VAV2: variants seen among roughly 807,000 people sequenced by gnomAD.
The protein encoded by VAV2 is vav guanine nucleotide exchange factor 2.
In VAV2, 67 loss-of-function variants were observed where a neutral mutation model predicts 132.5. The observed-to-expected ratio is 0.51, with a 90% CI of 0.42 to 0.62. VAV2 has a LOEUF of 0.62. Among genes scored for constraint, VAV2 ranks in the 20% least tolerant of loss-of-function variants. The pLI is 0.00. For missense variants in VAV2, 938 were observed against 1,153.6 expected, an observed-to-expected ratio of 0.81 and a Z score of 2.71; for synonymous variants, 492 against 443.5, an observed-to-expected ratio of 1.11 and a Z score of -1.37.
chr9:133,940,067 C>CG (rs1211073050), intron 1 of VAV2, among the ~76,000 whole-genome samples: 3 of 152,158 alleles, frequency 2.0e-5, no homozygotes, highest in Admixed American at 6.5e-5. Flanking sequence ...TGAGGTGGCC[C>CG]GGGGGGCACG....
chr9:133,789,464 G>T (rs1202715207), intron 13 of VAV2, 121 bp from the exon 14 acceptor site: 27 of 894,518 alleles, frequency 3.0e-5, no homozygotes, highest in Non-Finnish European at 4.3e-5. Context: ...GAGGCGGGAC[G>T]AAGGGAAACA....
chr9:133,922,356 T>C (rs1005943677), intron 2 of VAV2, among the ~76,000 whole-genome samples: 1 of 152,154 alleles, frequency 6.6e-6, no homozygotes, highest in Non-Finnish European at 1.5e-5. Context: ...GGCCTGGTGA[T>C]GATGATGCCA....
chr9:133,802,504 A>C lies in VAV2; in HGVS notation c.836+3577T>G, dbSNP rs371809172. ...TAGAGGACATGGCCCCAAAGGTCTC[A>C]GTGTGGTCACCTTGCAAGGCACGGC... On this transcript the variant is annotated intron_variant, in intron 9 of 29. Transcript: ENST00000371850. This position sits in a 1 kb window ranked among gnomAD's most constrained non-coding sequence, Gnocchi z 5.8. Among the ~76,000 whole-genome samples, 161 of 151,188 alleles carry C rather than the reference A, an allele frequency of 1.1e-3. 1 individual carries two copies. Among genetic ancestry groups the C allele is most frequent in the Middle Eastern group, 6.8e-3 (2 of 292 alleles).
intron 1 of VAV2, among the ~76,000 whole-genome samples, chr9:133,941,899 A>C (rs2263807): frequency 0.73 from 110,635 of 152,100 alleles, 40,410 homozygotes; most frequent in East Asian, 0.8. Flanking sequence ...CCACCACGCC[A>C]GGCCGTGATT....
chr9:133,947,485 A>C (rs1374217556), intron 1 of VAV2, among the ~76,000 whole-genome samples: 1 of 152,090 alleles, frequency 6.6e-6, no homozygotes, highest in Non-Finnish European at 1.5e-5. Context: ...GGATCACCTG[A>C]GGTCAGGAGT....
At chr9:133,945,145 T>C (rs1238272807) in intron 1 of VAV2, among the ~76,000 whole-genome samples, 1 of 152,224 alleles carries the variant, frequency 6.6e-6, no homozygotes, top group Non-Finnish European at 1.5e-5. Context: ...GAGCTAACAA[T>C]GGATCTGGGA....
intron 2 of VAV2, among the ~76,000 whole-genome samples, chr9:133,929,812 C>A (rs1043299410): frequency 1.3e-5 from 2 of 152,020 alleles, no homozygotes; most frequent in South Asian, 4.2e-4. Context: ...GTGCCCCCAG[C>A]GGCCTGTCCC....
rs765842927 is a variant in VAV2 at position 133,796,517 on chromosome 9, G to A, written c.944C>T (p.Thr315Ile). The A allele has an allele frequency of 3.1e-6, 5 of 1,613,268 alleles. No homozygotes were observed. Among genetic ancestry groups the A allele is most frequent in the Non-Finnish European group, 4.2e-6 (5 of 1,179,832 alleles). The change falls in exon 11 of 30, where the codon ACA (threonine) becomes ATA (isoleucine). Residue 315 changes from threonine to isoleucine, a missense_variant. By Grantham distance (89) the Thr-to-Ile change is moderately conservative. Transcript: ENST00000371850. ...EDFRQKVEEC[T>I]LKVQDGKFKL... ...AAATTTTCCATCCTGGACCTTCAGT[G>A]TGCACTCCTGGGAGGGCGACAGGGC...
chr9:133,799,184 A>C (rs1253350509), intron 9 of VAV2, among the ~76,000 whole-genome samples: 5 of 152,166 alleles, frequency 3.3e-5, no homozygotes, highest in African/African-American at 1.2e-4. Flanking sequence ...AGTGGCTGGG[A>C]ACACATTTTC....
chr9:133,795,788 T>C, intron 11 of VAV2, 52 bp from the exon 12 acceptor site: 1 of 1,588,182 alleles, frequency 6.3e-7, no homozygotes, highest in Non-Finnish European at 8.6e-7. Flanking sequence ...TTCTGGCCTC[T>C]GCCCTGGCCC....
chr9:133,813,987 G>A (rs1001418164), intron 4 of VAV2, among the ~76,000 whole-genome samples: 11 of 152,150 alleles, frequency 7.2e-5, no homozygotes, highest in Admixed American at 3.9e-4. Flanking sequence ...TGTGGCCCTC[G>A]CTCACTATCC....
intron 7 of VAV2, among the ~76,000 whole-genome samples, chr9:133,808,039 CGCCCGGGTG>C (rs1363065592): frequency 1.3e-5 from 2 of 148,628 alleles, no homozygotes; most frequent in Non-Finnish European, 3.0e-5. Context: ...CAAGCAAACA[CGCCCGGGTG>C]GCGGCCCCAG....
In VAV2 at chr9:133,763,886, G is replaced by T; in HGVS notation, c.*176C>A. 1.3e-6 allele frequency: 1 copy of T among 745,792 alleles called. No individual in the cohort carries two copies. Among genetic ancestry groups the T allele is most frequent in the Non-Finnish European group, 2.2e-6 (1 of 452,174 alleles). 46.2% of individuals were successfully genotyped at this position (745,792 alleles called of 1,614,324 possible). On this transcript the variant is annotated 3_prime_UTR_variant, in exon 30 of 30. Coordinates refer to ENST00000371850, the MANE Select transcript of VAV2 (RefSeq NM_001134398.2). This position sits in a 1 kb window ranked among gnomAD's most constrained non-coding sequence, Gnocchi z 6.8. ...ACCCAGTGATGGGTCGCCGAGGGCAGGCTGACAGTGAAACGGTTCGAGTTT... is the reference window on the plus strand; with the variant it reads ...ACCCAGTGATGGGTCGCCGAGGGCATGCTGACAGTGAAACGGTTCGAGTTT...
At chr9:133,818,055 C>T (rs1334366833) in intron 4 of VAV2, among the ~76,000 whole-genome samples, 1 of 152,008 alleles carries the variant, frequency 6.6e-6, no homozygotes, top group African/African-American at 2.4e-5. Flanking sequence ...CCATTGAGGG[C>T]CCACGTAGAA....
Position 133,788,297 on chromosome 9 carries a change from C to T in VAV2, c.1407+57G>A. The T allele has an allele frequency of 6.4e-7, 1 of 1,572,798 alleles. No individual in the cohort carries two copies. The highest frequency in any genetic ancestry group is 8.7e-7 in the Non-Finnish European group (1 of 1,148,094). ...TCCCCTGGGGTCTGGAACCCAGTGCCTCTCTCCAGGCCACCCCCACGTTCC... is the reference window on the plus strand; with the variant it reads ...TCCCCTGGGGTCTGGAACCCAGTGCTTCTCTCCAGGCCACCCCCACGTTCC... On this transcript the variant is annotated intron_variant, in intron 15 of 29. Transcript: ENST00000371850. The surrounding 1 kb of genome is among the most constrained non-coding windows in gnomAD (Gnocchi z 5.3).
chr9:133,941,490 A>G (rs1841155553), intron 1 of VAV2, among the ~76,000 whole-genome samples: 1 of 152,156 alleles, frequency 6.6e-6, no homozygotes, highest in African/African-American at 2.4e-5. Context: ...TGTGGCTAGT[A>G]ACTGCTAGCT....
In VAV2 at chr9:133,778,900, T is replaced by A. The variant is rs375908991; in HGVS notation, c.1763-11A>T. On this transcript the variant is annotated splice_polypyrimidine_tract_variant and intron_variant, in intron 21 of 29. Transcript: ENST00000371850. ...CCACCATCTTGGGACCTGCAAAGGA[T>A]AGGACAGCTCACTCAGTGACTCAGC... 2.5e-6 allele frequency: 4 copies of A among 1,611,312 alleles called. No individual in the cohort carries two copies. The highest frequency in any genetic ancestry group is 3.4e-6 in the Non-Finnish European group (4 of 1,179,538).
rs948524004 is a variant in VAV2, at chr9:133,804,487, C to T, written c.836+1594G>A. On this transcript the variant is annotated intron_variant, in intron 9 of 29. Transcript: ENST00000371850. The surrounding 1 kb of genome is among the most constrained non-coding windows in gnomAD (Gnocchi z 4.5). Reference sequence around the variant, plus strand: ...GCTGGTGGGACAGGGCCAGGGGTGTCGCCGGGCAGCCTGACTGTGGAGGGA... The same window carrying T: ...GCTGGTGGGACAGGGCCAGGGGTGTTGCCGGGCAGCCTGACTGTGGAGGGA... Among the ~76,000 whole-genome samples the T allele has an allele frequency of 1.5e-4, 23 of 152,198 alleles. No homozygotes were observed. Among genetic ancestry groups the T allele is most frequent in the Non-Finnish European group, 7.3e-5 (5 of 68,032 alleles).
At chr9:133,780,114 A>G (rs1833956345) in intron 20 of VAV2, 175 bp from the exon 21 acceptor site, 3 of 784,526 alleles carry the variant, frequency 3.8e-6, no homozygotes, top group Non-Finnish European at 6.2e-6. Context: ...CCCTGGCAAT[A>G]TATTTCACCT....
Sources: gnomAD v4.1 joint callset for allele counts (sites outside exome capture counted in the v4.1 genomes callset) on GRCh38, gnomAD v4.1.1 for gene constraint, Gnocchi (gnomAD v3.1) non-coding constraint, MANE v1.5 for transcripts, NCBI Gene and HGNC (gene_info 2026-07-23, HGNC 2026-07-21) for gene names.